SPPL3: variants seen among roughly 807,000 people sequenced by gnomAD.
SPPL3 encodes the protein signal peptide peptidase like 3.
In SPPL3, 5 loss-of-function variants were observed where a neutral mutation model predicts 42.4. The observed-to-expected ratio is 0.12, with a 90% CI of 0.06 to 0.25. SPPL3 has a LOEUF of 0.25. Ranked by LOEUF, SPPL3 falls within the 10% of genes least tolerant of loss-of-function variation. SPPL3 has a pLI of 1.00. For missense variants in SPPL3, 235 were observed against 489.0 expected, an observed-to-expected ratio of 0.48 and a Z score of 4.90; for synonymous variants, 195 against 181.8, an observed-to-expected ratio of 1.07 and a Z score of -0.58.
intron 1 of SPPL3, among the ~76,000 whole-genome samples, chr12:120,820,074 G>A (rs1260332254): frequency 6.6e-6 from 1 of 152,160 alleles, no homozygotes; most frequent in Non-Finnish European, 1.5e-5. Flanking sequence ...TTCGGGAATT[G>A]CTGCCTTCTA....
intron 1 of SPPL3, 31 bp from the exon 2 acceptor site, chr12:120,810,917 C>T: frequency 6.6e-7 from 1 of 1,524,872 alleles, no homozygotes; most frequent in Non-Finnish European, 9.1e-7. Context: ...AAATTTAAAT[C>T]ACATGCAGTG....
chr12:120,781,767 G>C (rs1232898565), intron 6 of SPPL3, among the ~76,000 whole-genome samples: 1 of 150,198 alleles, frequency 6.7e-6, no homozygotes, highest in Non-Finnish European at 1.5e-5. Context: ...TTTTAGTAGA[G>C]ACGGGGTCTC....
At position 120,788,189 on chromosome 12, in the gene SPPL3, T is replaced by C. The variant is rs544988275; in HGVS notation, c.190+3280A>G. Among the ~76,000 whole-genome samples the C allele has an allele frequency of 9.9e-4, 150 of 152,234 alleles. 2 individuals carry two copies. The highest frequency in any genetic ancestry group is 5.4e-3 in the South Asian group (26 of 4,824). On this transcript the variant is annotated intron_variant, in intron 3 of 10. Coordinates refer to ENST00000353487, the MANE Select transcript of SPPL3 (RefSeq NM_139015.5). ...TCATCAGCACTGGGAATGGTCAAGGTTTTTAATTTTAGCTATTCTGGTGGT... is the reference window on the plus strand; with the variant it reads ...TCATCAGCACTGGGAATGGTCAAGGCTTTTAATTTTAGCTATTCTGGTGGT...
intron 6 of SPPL3, among the ~76,000 whole-genome samples, chr12:120,780,054 A>G (rs1009780663): frequency 6.6e-6 from 1 of 151,006 alleles, no homozygotes; most frequent in Admixed American, 6.6e-5. Context: ...AAGTTTAAAA[A>G]CATCTCAAGG....
chr12:120,860,017 G>A (rs922135042), intron 1 of SPPL3, among the ~76,000 whole-genome samples: 8 of 152,190 alleles, frequency 5.3e-5, no homozygotes, highest in Non-Finnish European at 1.2e-4. Flanking sequence ...AAGGCGCAGG[G>A]ACTGCTTGAG....
chr12:120,896,760 C>CA lies in SPPL3; in HGVS notation c.23+7084dup, dbSNP rs1257648388. ...CACCACTACACTCTAGACTGGGTGACAGGGTGAGACTCCGTTTCAAAAAAA... is the reference window on the plus strand; with the variant it reads ...CACCACTACACTCTAGACTGGGTGACAAGGGTGAGACTCCGTTTCAAAAAAA... On this transcript the variant is annotated intron_variant, in intron 1 of 10. Coordinates refer to ENST00000353487, the MANE Select transcript of SPPL3 (RefSeq NM_139015.5). Among the ~76,000 whole-genome samples the CA allele has an allele frequency of 4.6e-5, 7 of 150,892 alleles. No homozygotes were observed. In the Admixed American group the frequency reaches 4.6e-4, roughly 10 times the overall value.
intron 1 of SPPL3, chr12:120,845,159 G>A: frequency 2.2e-6 from 1 of 463,254 alleles, no homozygotes; most frequent in Admixed American, 2.4e-5. Flanking sequence ...CCTTGATAGA[G>A]CCCGTCGCCA....
At chr12:120,783,131 AG>A (rs1869598992) in intron 5 of SPPL3, among the ~76,000 whole-genome samples, 1 of 152,222 alleles carries the variant, frequency 6.6e-6, no homozygotes, top group African/African-American at 2.4e-5. Context: ...TCTATTTAGA[AG>A]ATTGTAAATC....
At chr12:120,792,099 C>A (rs1869935581) in intron 2 of SPPL3, among the ~76,000 whole-genome samples, 1 of 152,044 alleles carries the variant, frequency 6.6e-6, no homozygotes. Flanking sequence ...ATGTAATAGA[C>A]CAGAAAAATA....
chr12:120,872,641 A>G (rs1249520500), intron 1 of SPPL3, among the ~76,000 whole-genome samples: 1 of 152,110 alleles, frequency 6.6e-6, no homozygotes, highest in African/African-American at 2.4e-5. Context: ...CGGATCTCCA[A>G]GTGCTTGAGA....
At position 120,851,595 on chromosome 12, in the gene SPPL3, C is replaced by T. The variant is rs572827803; in HGVS notation, c.24-40709G>A. ...GATGGGACACTGCCACTCTCGTTTC[C>T]TGTTTCACATTCTTTTTTGTTTTTT... On this transcript the variant is annotated intron_variant, in intron 1 of 10. Transcript: ENST00000353487. 3.9e-5 allele frequency among the ~76,000 whole-genome samples: 6 copies of T among 152,238 alleles called. No individual in the cohort carries two copies. The South Asian group carries it at 1.2e-3, about 32-fold the overall frequency.
chr12:120,849,083 C>T lies in SPPL3; in HGVS notation c.24-38197G>A, dbSNP rs527551570. On this transcript the variant is annotated intron_variant, in intron 1 of 10. Coordinates refer to ENST00000353487, the MANE Select transcript of SPPL3 (RefSeq NM_139015.5). ...CATGGAGGCTGAGATGGGAGGATTGCGTGAGCCCAGGAATTTAAGGCTGCA... is the reference window on the plus strand; with the variant it reads ...CATGGAGGCTGAGATGGGAGGATTGTGTGAGCCCAGGAATTTAAGGCTGCA... 3.0e-3 allele frequency among the ~76,000 whole-genome samples: 457 copies of T among 152,138 alleles called. 1 individual carries two copies. The highest frequency in any genetic ancestry group is 5.6e-3 in the Admixed American group (85 of 15,286).
intron 3 of SPPL3, among the ~76,000 whole-genome samples, chr12:120,785,404 C>T (rs2136980767): frequency 6.6e-6 from 1 of 152,062 alleles, no homozygotes; most frequent in South Asian, 2.1e-4. Flanking sequence ...ATTACAAAGC[C>T]CAGGTCCAAT....
chr12:120,897,708 G>A (rs1300324572), intron 1 of SPPL3, among the ~76,000 whole-genome samples: 2 of 152,156 alleles, frequency 1.3e-5, no homozygotes, highest in African/African-American at 2.4e-5. Context: ...GGGCTACACA[G>A]CGAGACTCCG....
intron 6 of SPPL3, among the ~76,000 whole-genome samples, chr12:120,782,254 G>A (rs1220084852): frequency 2.0e-5 from 3 of 152,114 alleles, no homozygotes; most frequent in Admixed American, 6.5e-5. Flanking sequence ...CCTAAAAAGT[G>A]GAAACAACCG....
At chr12:120,838,038 A>G (rs1871680077) in intron 1 of SPPL3, among the ~76,000 whole-genome samples, 1 of 152,232 alleles carries the variant, frequency 6.6e-6, no homozygotes, top group South Asian at 2.1e-4. Flanking sequence ...GTCTCAAAAA[A>G]TAAAAAATAA....
At chr12:120,826,618 T>C (rs1871238715) in intron 1 of SPPL3, among the ~76,000 whole-genome samples, 1 of 152,106 alleles carries the variant, frequency 6.6e-6, no homozygotes, top group Admixed American at 6.6e-5. Context: ...AATCGCTCCA[T>C]AAAGCAGACA....
chr12:120,764,864 T>A lies in SPPL3; in HGVS notation c.*135A>T. On this transcript the variant is annotated 3_prime_UTR_variant, in exon 11 of 11. Transcript: ENST00000353487. The stretch of plus-strand genomic sequence containing the variant: ...CTCCTGCAAACGAGCTCCCTTTAAA[T>A]GCCAAATCCAGTCACACGGCAGTTC... 1 of 926,702 alleles carries A rather than the reference T, an allele frequency of 1.1e-6. No homozygotes were observed. Among genetic ancestry groups the A allele is most frequent in the Non-Finnish European group, 1.6e-6 (1 of 640,734 alleles). The allele number at this position is 926,702 out of a possible 1,614,324, so 57.4% of individuals were successfully genotyped here.
chr12:120,886,155 A>T (rs575109963), intron 1 of SPPL3, among the ~76,000 whole-genome samples: 14 of 150,436 alleles, frequency 9.3e-5, no homozygotes, highest in South Asian at 2.1e-4. Context: ...AAAAAAAAAA[A>T]ATTTTTTTTT....
Sources: gnomAD v4.1 joint callset for allele counts (sites outside exome capture counted in the v4.1 genomes callset) on GRCh38, gnomAD v4.1.1 for gene constraint, MANE v1.5 for transcripts, NCBI Gene and HGNC (gene_info 2026-07-23, HGNC 2026-07-21) for gene names.